The following TRPM1 variants were observed in gnomAD, a reference collection of about 807,000 sequenced individuals.
TRPM1 encodes transient receptor potential cation channel subfamily M member 1, also known as TRPM1-203 APA Isoform, Intron 10.
A neutral mutation model predicts 149.4 loss-of-function variants in TRPM1; 113 were observed. The observed-to-expected ratio is 0.76, with a 90% CI of 0.65 to 0.88. The LOEUF (loss-of-function observed/expected upper bound fraction) is 0.88, where lower values mean the gene tolerates loss of function less well. TRPM1 is among the 40% of genes least tolerant of loss of function. The probability of loss-of-function intolerance (pLI) is 0.00; values close to 1 mark genes in which losing one functional copy is unlikely to be tolerated. For missense variants in TRPM1, 1,976 were observed against 2,038.7 expected (o/e 0.97, Z 0.59); for synonymous variants, 741 against 759.5 (o/e 0.98, Z 0.40).
chr15:31,043,621 G>A (rs952397550), intron 16 of TRPM1, among the ~76,000 whole-genome samples: 2 of 150,928 alleles, frequency 1.3e-5, no homozygotes, highest in South Asian at 2.1e-4. Context: ...AGCTACAGTC[G>A]CAGTGATATG....
chr15:31,002,565 C>T lies in TRPM1; in HGVS notation c.4135G>A (p.Asp1379Asn). The part of the protein sequence containing the change: ...KNAEESKLGP[D>N]IGISKEDDER... ...TCATCTTCCTTTGAAATCCCAATAT[C>T]TGGACCTAATTTTGACTCTTCAGCG... The change falls in exon 28 of 28, where the codon GAT becomes AAT. Residue 1379 changes from aspartate (D) to asparagine (N), a missense_variant. Physicochemically the swap from Asp to Asn is conservative, Grantham distance 23 (BLOSUM62 1). Transcript: ENST00000256552. 6.2e-7 allele frequency: 1 copy of T among 1,614,134 alleles called. No individual in the cohort carries two copies. The highest frequency in any genetic ancestry group is 8.5e-7 in the Non-Finnish European group (1 of 1,180,038).
At chr15:31,155,289 T>TA (rs2036353939) in intron 1 of TRPM1, among the ~76,000 whole-genome samples, 1 of 152,188 alleles carries the variant, frequency 6.6e-6, no homozygotes, top group Non-Finnish European at 1.5e-5. Flanking sequence ...GCGTGCCTGC[T>TA]ACTCAGTTGC....
intron 1 of TRPM1, among the ~76,000 whole-genome samples, chr15:31,134,357 T>A (rs73377615): frequency 1.3e-5 from 2 of 151,968 alleles, no homozygotes; most frequent in African/African-American, 2.4e-5. Flanking sequence ...TGGCATAAGG[T>A]TTATTTTGAG....
intron 27 of TRPM1, among the ~76,000 whole-genome samples, chr15:31,017,234 G>A (rs921628272): frequency 1.3e-5 from 2 of 152,070 alleles, no homozygotes; most frequent in Admixed American, 6.6e-5. Flanking sequence ...GCTTGAACCC[G>A]GGAGGCGGAG....
intron 1 of TRPM1, among the ~76,000 whole-genome samples, chr15:31,094,012 A>G (rs533217052): frequency 7.9e-4 from 120 of 152,364 alleles, no homozygotes; most frequent in Non-Finnish European, 1.4e-3. Context: ...AAGGACAGAC[A>G]TGCAGGCCAG....
chr15:31,040,397 T>C lies in TRPM1; in HGVS notation c.2088-51A>G. On this transcript the variant is annotated intron_variant, in intron 17 of 27. Transcript: ENST00000256552. The surrounding 1 kb of genome is among the most constrained non-coding windows in gnomAD (Gnocchi z 4.2). ...GTGAAGCCACAGTGGCCGCAAGCTGTTTCTTAGACAGGCATATCCACCAAG... is the reference window on the plus strand; with the variant it reads ...GTGAAGCCACAGTGGCCGCAAGCTGCTTCTTAGACAGGCATATCCACCAAG... 1 of 1,510,486 alleles carries C rather than the reference T, an allele frequency of 6.6e-7. No homozygotes were observed. Among genetic ancestry groups the C allele is most frequent in the Non-Finnish European group, 9.2e-7 (1 of 1,087,092 alleles). 93.6% of individuals were successfully genotyped at this position (1,510,486 alleles called of 1,614,324 possible).
rs188258239 is a variant in TRPM1 at position 31,085,881 on chromosome 15, A to G, written c.-83-4443T>C. On this transcript the variant is annotated intron_variant, in intron 1 of 27. Transcript: ENST00000256552. ...TTGCTTCTCATTTTTTACCACTGGCAGAAAAGATACCCTGGACCCGCAGCC... is the reference window on the plus strand; with the variant it reads ...TTGCTTCTCATTTTTTACCACTGGCGGAAAAGATACCCTGGACCCGCAGCC... 3.5e-3 allele frequency among the ~76,000 whole-genome samples: 538 copies of G among 152,334 alleles called. 4 individuals carry two copies. Among genetic ancestry groups the G allele is most frequent in the African/African-American group, 0.012 (502 of 41,574 alleles).
At position 31,035,636 on chromosome 15, in the gene TRPM1, GA is replaced by G. The variant is rs775904587; in HGVS notation, c.2609del (p.Val870AlafsTer22). On this transcript the variant is annotated frameshift_variant, in exon 21 of 28. Transcript: ENST00000256552. LOFTEE classifies it high-confidence loss of function. The stretch of plus-strand genomic sequence containing the variant: ...GCCAGCCATCCATCCGCACCAGGAT[GA>G]CGTAGTTAAACAGCAGCAGGTAGCC... The part of the protein sequence containing the change: ...YLGYLLLFNY[V>X]ILVRMDGWPS... 1 of 1,614,200 alleles carries G rather than the reference GA, an allele frequency of 6.2e-7. No homozygotes were observed. Among genetic ancestry groups the G allele is most frequent in the South Asian group, 1.1e-5 (1 of 91,084 alleles).
intron 1 of TRPM1, chr15:31,160,834 A>G: frequency 2.0e-6 from 3 of 1,489,468 alleles, no homozygotes; most frequent in Middle Eastern, 1.7e-4. Context: ...CTCTGAGATG[A>G]CAGAGCTGGA....
chr15:31,026,352 A>T (rs1423387713), intron 26 of TRPM1, 81 bp from the exon 27 acceptor site: 47 of 1,541,734 alleles, frequency 3.0e-5, no homozygotes, highest in Non-Finnish European at 4.0e-5. Context: ...TCACAGCCCC[A>T]CTTTAATTAA....
intron 24 of TRPM1, 57 bp downstream of exon 24, chr15:31,029,314 A>T: frequency 6.4e-7 from 1 of 1,561,018 alleles, no homozygotes; most frequent in African/African-American, 1.4e-5. Context: ...AGCTAAGGAA[A>T]AGGTAATTGA....
chr15:31,113,568 T>C (rs1025757810), intron 1 of TRPM1, among the ~76,000 whole-genome samples: 2 of 152,202 alleles, frequency 1.3e-5, no homozygotes, highest in Non-Finnish European at 1.5e-5. Context: ...TTTTTAACTT[T>C]AGGTTCCCCC....
At chr15:31,140,909 A>G (rs1000153998) in intron 1 of TRPM1, among the ~76,000 whole-genome samples, 1 of 150,830 alleles carries the variant, frequency 6.6e-6, no homozygotes, top group African/African-American at 2.4e-5. Flanking sequence ...GCAACCTCCA[A>G]CTCCTGGGTT....
chr15:31,031,062 G>C lies in TRPM1; in HGVS notation c.3048C>G (p.Pro1016=). Residue 1016 remains proline, a synonymous_variant, in exon 23 of 28, where the codon CCC becomes CCG. Transcript: ENST00000256552. ...RQAILHPEEK[P]SWKLARNIFY... ...AGATGTTTCGGGCCAGTTTCCAAGAGGGCTTCTCCTCTGGATGCAGAATGG... is the reference window on the plus strand; with the variant it reads ...AGATGTTTCGGGCCAGTTTCCAAGACGGCTTCTCCTCTGGATGCAGAATGG... The C allele has an allele frequency of 6.2e-7, 1 of 1,614,160 alleles. No individual in the cohort carries two copies. Among genetic ancestry groups the C allele is most frequent in the South Asian group, 1.1e-5 (1 of 91,068 alleles).
intron 27 of TRPM1, among the ~76,000 whole-genome samples, chr15:31,017,820 C>T (rs182483929): frequency 1.3e-5 from 2 of 152,130 alleles, no homozygotes; most frequent in Non-Finnish European, 2.9e-5. Flanking sequence ...TATGGCAATA[C>T]CTGAATTTGT....
At chr15:31,113,374 C>T (rs1029761129) in intron 1 of TRPM1, among the ~76,000 whole-genome samples, 17 of 151,992 alleles carry the variant, frequency 1.1e-4, no homozygotes, top group African/African-American at 4.1e-4. Flanking sequence ...CTGTCACAAC[C>T]AACGGGGTTC....
intron 1 of TRPM1, among the ~76,000 whole-genome samples, chr15:31,121,298 A>T (rs985392527): frequency 1.1e-4 from 17 of 151,962 alleles, no homozygotes; most frequent in Non-Finnish European, 2.1e-4. Flanking sequence ...TAGAAAGAAG[A>T]ACAAATTAAA....
At chr15:31,154,711 C>A (rs1259510116) in intron 1 of TRPM1, among the ~76,000 whole-genome samples, 2 of 152,152 alleles carry the variant, frequency 1.3e-5, no homozygotes, top group Non-Finnish European at 2.9e-5. Flanking sequence ...CTGGAGGCTA[C>A]AAGATTCTGA....
At position 31,027,209 on chromosome 15, in the gene TRPM1, A is replaced by G; in HGVS notation, c.3294-92T>C. On this transcript the variant is annotated intron_variant, in intron 25 of 27. Coordinates refer to ENST00000256552, the MANE Select transcript of TRPM1 (RefSeq NM_001252024.2). ...AAGTTACTCACATTTAAGTGAAAAT[A>G]CTCAATGAGATGGCCTTTTAGTGCC... 3.3e-6 allele frequency: 4 copies of G among 1,211,694 alleles called. No homozygotes were observed. In the South Asian group the frequency reaches 5.1e-5, roughly 16 times the overall value. The allele number at this position is 1,211,694 out of a possible 1,614,324, so 75.1% of individuals were successfully genotyped here. A position where few individuals can be genotyped will look rare whatever the true frequency, so the allele number is the denominator to read the frequency against.
Sources: allele counts gnomAD v4.1 joint callset (sites outside exome capture counted in the v4.1 genomes callset), GRCh38; gene constraint gnomAD v4.1.1; non-coding constraint Gnocchi (gnomAD v3.1); transcripts MANE v1.5; gene names NCBI Gene and HGNC (gene_info 2026-07-23, HGNC 2026-07-21).